The following CCL28 variants were observed in gnomAD, a reference collection of about 807,000 sequenced individuals.
CCL28 encodes C-C motif chemokine ligand 28.
Under a neutral mutation model 7.1 loss-of-function variants are expected in CCL28, and 4 were observed. The observed-to-expected ratio is 0.56, with a 90% CI of 0.28 to 1.29. CCL28 has a LOEUF of 1.29. CCL28 is among the 50% of genes most tolerant of loss of function. The pLI is 0.11. For synonymous variants in CCL28, 55 were observed against 57.8 expected, an observed-to-expected ratio of 0.95 and a Z score of 0.22; for missense variants, 151 against 163.4, an observed-to-expected ratio of 0.92 and a Z score of 0.41.
Position 43,382,027 on chromosome 5 carries a change from A to T in CCL28, c.217T>A (p.Cys73Ser). Residue 73 changes from cysteine (C) to serine (S), a missense_variant, in exon 3 of 3, where the codon TGT becomes AGT. Physicochemically the swap from Cys to Ser is moderately radical, Grantham distance 112. Coordinates refer to ENST00000361115, the MANE Select transcript of CCL28 (RefSeq NM_148672.3). The stretch of plus-strand genomic sequence containing the variant: ...ACAGTATGGTTGTGCGGGCTGACAC[A>T]GATTCTTCTGCGCTTGACATGAAGG... Reference protein sequence around the residue: ...VILHVKRRRICVSPHNHTVKQ... With the variant: ...VILHVKRRRISVSPHNHTVKQ... The T allele has an allele frequency of 1.2e-6, 2 of 1,612,902 alleles. No homozygotes were observed. The highest frequency in any genetic ancestry group is 1.7e-6 in the Non-Finnish European group (2 of 1,179,400).
At chr5:43,360,235 C>T in the CCL28 span, among the ~76,000 whole-genome samples, 6 of 151,850 alleles carry the variant, frequency 4.0e-5, no homozygotes, top group South Asian at 2.1e-4. Flanking sequence ...CCCAGACCCA[C>T]GTAAAAAAAA....
At chr5:43,396,374 GACC>G (rs1304120656) in intron 1 of CCL28, among the ~76,000 whole-genome samples, 9 of 152,112 alleles carry the variant, frequency 5.9e-5, no homozygotes, top group African/African-American at 2.2e-4. Context: ...ATTTTGTGCT[GACC>G]TATGTCATCC....
At chr5:43,402,159 TG>T (rs1282867981) in intron 1 of CCL28, among the ~76,000 whole-genome samples, 1 of 152,192 alleles carries the variant, frequency 6.6e-6, no homozygotes, top group Non-Finnish European at 1.5e-5. Flanking sequence ...GGATCTCAGC[TG>T]GGGAGGGTAA....
chr5:43,361,181 A>T, the CCL28 span, among the ~76,000 whole-genome samples: 1 of 152,160 alleles, frequency 6.6e-6, no homozygotes, highest in Non-Finnish European at 1.5e-5. Context: ...ATAATATTTC[A>T]TGGTGTATAT....
the CCL28 span, among the ~76,000 whole-genome samples, chr5:43,366,207 C>T: frequency 6.6e-6 from 1 of 152,198 alleles, no homozygotes. Context: ...TGTTGCCTTG[C>T]TGATGAGGAA....
downstream of CCL28, among the ~76,000 whole-genome samples, chr5:43,372,584 G>C (rs1739804924): frequency 6.6e-6 from 1 of 151,784 alleles, no homozygotes; most frequent in South Asian, 2.1e-4. Flanking sequence ...GGTCAGGCTG[G>C]TCTCAAACTC....
chr5:43,399,287 T>C (rs970921821), intron 1 of CCL28, among the ~76,000 whole-genome samples: 2 of 152,192 alleles, frequency 1.3e-5, no homozygotes, highest in Non-Finnish European at 2.9e-5. Context: ...TTCTCCTTGT[T>C]ACCACTCTTA....
intron 1 of CCL28, among the ~76,000 whole-genome samples, chr5:43,405,201 A>G (rs183520093): frequency 2.0e-5 from 3 of 152,360 alleles, no homozygotes; most frequent in Non-Finnish European, 4.4e-5. Context: ...AACAGAATAT[A>G]CGTTCTTCTT....
intron 1 of CCL28, among the ~76,000 whole-genome samples, chr5:43,407,665 C>T (rs1479158555): frequency 6.6e-6 from 1 of 152,202 alleles, no homozygotes; most frequent in African/African-American, 2.4e-5. Flanking sequence ...AACCAAAGAA[C>T]TTGTGCACAG....
intron 2 of CCL28, among the ~76,000 whole-genome samples, chr5:43,383,174 GCA>G (rs992534649): frequency 2.6e-5 from 4 of 152,144 alleles, no homozygotes; most frequent in Non-Finnish European, 4.4e-5. Flanking sequence ...GCTACAGCAT[GCA>G]CAGTTTCTGG....
chr5:43,361,042 G>C, the CCL28 span, among the ~76,000 whole-genome samples: 60 of 152,216 alleles, frequency 3.9e-4, no homozygotes, highest in Non-Finnish European at 7.5e-4. Flanking sequence ...TCATCATTCA[G>C]CTCCCACTTA....
At chr5:43,365,323 T>C in the CCL28 span, among the ~76,000 whole-genome samples, 1 of 152,190 alleles carries the variant, frequency 6.6e-6, no homozygotes, top group African/African-American at 2.4e-5. Flanking sequence ...TTTATCCAAT[T>C]TGCCAGTCTG....
chr5:43,400,950 G>A (rs1741002757), intron 1 of CCL28, among the ~76,000 whole-genome samples: 2 of 151,966 alleles, frequency 1.3e-5, no homozygotes, highest in South Asian at 4.1e-4. Flanking sequence ...GGGCGTGGTG[G>A]CAGGTGCTTG....
chr5:43,374,756 G>A (rs1739851154), downstream of CCL28, among the ~76,000 whole-genome samples: 1 of 145,428 alleles, frequency 6.9e-6, no homozygotes, highest in Non-Finnish European at 1.5e-5. Flanking sequence ...AATCCAGCTT[G>A]GGCGACAGAG....
chr5:43,357,006 T>G, the CCL28 span, among the ~76,000 whole-genome samples: 2 of 152,208 alleles, frequency 1.3e-5, no homozygotes, highest in Non-Finnish European at 2.9e-5. Flanking sequence ...TGCTCACCTC[T>G]GCAGGTTAGC....
chr5:43,382,020 C>G lies in CCL28; in HGVS notation c.224G>C (p.Ser75Thr). The G allele has an allele frequency of 6.2e-7, 1 of 1,613,450 alleles. No individual in the cohort carries two copies. Among genetic ancestry groups the G allele is most frequent in the Non-Finnish European group, 8.5e-7 (1 of 1,179,710 alleles). The stretch of plus-strand genomic sequence containing the variant: ...CTGCTTAACAGTATGGTTGTGCGGG[C>G]TGACACAGATTCTTCTGCGCTTGAC... ...LHVKRRRICV[S>T]PHNHTVKQWM... Residue 75 changes from serine (S) to threonine (T), a missense_variant, in exon 3 of 3, where the codon AGC becomes ACC. Transcript: ENST00000361115.
At chr5:43,367,494 C>T in the CCL28 span, among the ~76,000 whole-genome samples, 1 of 152,224 alleles carries the variant, frequency 6.6e-6, no homozygotes, top group Non-Finnish European at 1.5e-5. Flanking sequence ...AGGGAGTTCC[C>T]CAACCCCTTG....
At chr5:43,411,906 G>C (rs911140548) in intron 1 of CCL28, among the ~76,000 whole-genome samples, 1 of 152,250 alleles carries the variant, frequency 6.6e-6, no homozygotes, top group Non-Finnish European at 1.5e-5. Context: ...GGGTGTGGAG[G>C]AAGACAGATG....
the CCL28 span, among the ~76,000 whole-genome samples, chr5:43,370,213 C>G: frequency 6.6e-6 from 1 of 152,160 alleles, no homozygotes; most frequent in Non-Finnish European, 1.5e-5. Context: ...TTTTAAAGCA[C>G]TAAATTTTAA....
Sources: allele counts gnomAD v4.1 joint callset (sites outside exome capture counted in the v4.1 genomes callset), GRCh38; gene constraint gnomAD v4.1.1; transcripts MANE v1.5; gene names NCBI Gene and HGNC (gene_info 2026-07-23, HGNC 2026-07-21).